ZSCAN4: variants seen among roughly 807,000 people sequenced by gnomAD.
ZSCAN4 encodes the protein zinc finger and SCAN domain-containing protein 4.
Under a neutral mutation model 18.3 loss-of-function variants are expected in ZSCAN4, and 18 were observed. That is an observed-to-expected ratio of 0.98 (90% CI 0.68 to 1.46). The LOEUF (loss-of-function observed/expected upper bound fraction) is 1.46. Ranked by LOEUF, ZSCAN4 falls within the 40% of genes most tolerant of loss-of-function variation. The pLI is 0.00. For synonymous variants in ZSCAN4, 193 were observed against 180.3 expected (o/e 1.07, Z -0.57); for missense variants, 498 against 511.4 (o/e 0.97, Z 0.25).
chr19:57,667,383 G>C (rs891426057), upstream of ZSCAN4, among the ~76,000 whole-genome samples: 23 of 152,088 alleles, frequency 1.5e-4, 1 homozygote, highest in Admixed American at 1.4e-3. Context: ...TCTGGAGCCA[G>C]GTATCAAATC....
intron 2 of ZSCAN4, among the ~76,000 whole-genome samples, chr19:57,675,142 T>A: frequency 9.6e-6 from 1 of 104,168 alleles, no homozygotes; most frequent in Non-Finnish European, 1.8e-5. Flanking sequence ...TGCGTGTGGC[T>A]TTTTTTTTTT....
chr19:57,655,249 C>T, the ZSCAN4 span, among the ~76,000 whole-genome samples: 1 of 152,184 alleles, frequency 6.6e-6, no homozygotes, highest in African/African-American at 2.4e-5. Flanking sequence ...CTGCTGTACA[C>T]CACATCACGT....
intron 1 of ZSCAN4, among the ~76,000 whole-genome samples, chr19:57,669,896 C>G (rs1344778784): frequency 1.3e-5 from 2 of 151,828 alleles, no homozygotes; most frequent in Non-Finnish European, 2.9e-5. Flanking sequence ...GAGACAGGGT[C>G]TTGCTTTGTT....
At chr19:57,678,711 T>G (rs1260252381) in exon 5 of ZSCAN4, 1 of 1,614,208 alleles carries the variant, frequency 6.2e-7, no homozygotes, top group Non-Finnish European at 8.5e-7. Context: ...GCCTTTCACA[T>G]GCAGCATGTG....
At chr19:57,657,138 C>G in the ZSCAN4 span, among the ~76,000 whole-genome samples, 1 of 151,908 alleles carries the variant, frequency 6.6e-6, no homozygotes, top group Non-Finnish European at 1.5e-5. Context: ...CACCTGTAAT[C>G]CCAGCTACTC....
chr19:57,653,285 G>T, the ZSCAN4 span, among the ~76,000 whole-genome samples: 3 of 151,784 alleles, frequency 2.0e-5, no homozygotes, highest in African/African-American at 7.3e-5. Context: ...CACTCAGGAG[G>T]CTGAGGCAGG....
At chr19:57,670,967 T>G (rs978214868) in intron 2 of ZSCAN4, among the ~76,000 whole-genome samples, 5 of 152,012 alleles carry the variant, frequency 3.3e-5, no homozygotes, top group Non-Finnish European at 4.4e-5. Context: ...GCTCAAGTGA[T>G]CCTTCCACCT....
At chr19:57,678,052 C>G in exon 4 of ZSCAN4, 3 of 1,585,740 alleles carry the variant, frequency 1.9e-6, no homozygotes, top group Non-Finnish European at 2.6e-6. Context: ...CCAGACTTCC[C>G]AAGATACTTC....
the ZSCAN4 span, among the ~76,000 whole-genome samples, chr19:57,653,590 A>G: frequency 6.6e-6 from 1 of 152,168 alleles, no homozygotes; most frequent in Admixed American, 6.5e-5. Flanking sequence ...ATCTCCAGAG[A>G]CTTAATCAAA....
chr19:57,677,317 G>A (rs1984216339), intron 3 of ZSCAN4, among the ~76,000 whole-genome samples: 1 of 152,048 alleles, frequency 6.6e-6, no homozygotes, highest in African/African-American at 2.4e-5. Context: ...TTTACCTTAG[G>A]TGCATGTTTC....
At chr19:57,652,671 C>T in the ZSCAN4 span, among the ~76,000 whole-genome samples, 2 of 152,094 alleles carry the variant, frequency 1.3e-5, no homozygotes, top group Non-Finnish European at 2.9e-5. Context: ...CAGTCCTGTG[C>T]CTAACACCCT....
chr19:57,672,030 T>C (rs9749506), intron 2 of ZSCAN4, among the ~76,000 whole-genome samples: 52,078 of 152,000 alleles, frequency 0.34, 9,273 homozygotes, highest in Non-Finnish European at 0.39. Context: ...AGCAATGATA[T>C]ATTAACAGAA....
the ZSCAN4 span, among the ~76,000 whole-genome samples, chr19:57,654,233 C>T: frequency 1.3e-5 from 2 of 152,170 alleles, no homozygotes; most frequent in African/African-American, 2.4e-5. Context: ...TGTCCCACCC[C>T]TATTTTGGGA....
chr19:57,677,097 A>G (rs1408377665), intron 3 of ZSCAN4, among the ~76,000 whole-genome samples: 2 of 152,190 alleles, frequency 1.3e-5, no homozygotes, highest in African/African-American at 4.8e-5. Flanking sequence ...TGAAGACATC[A>G]AGGTTGAGGA....
At chr19:57,663,519 C>CAAAAAAAAAAAAAAAAAAAAA in the ZSCAN4 span, among the ~76,000 whole-genome samples, 14 of 18,280 alleles carry the variant, frequency 7.7e-4, 1 homozygote, top group African/African-American at 3.0e-3. Context: ...AACCATGTCT[C>CAAAAAAAAAAAAAAAAAAAAA]TAAAAAAAAA....
intron 1 of ZSCAN4, among the ~76,000 whole-genome samples, chr19:57,669,964 G>A (rs1482376712): frequency 1.3e-5 from 2 of 152,036 alleles, no homozygotes; most frequent in Non-Finnish European, 2.9e-5. Flanking sequence ...ATGCAGTGGC[G>A]CAATCTTGGC....
At chr19:57,659,370 C>G in the ZSCAN4 span, among the ~76,000 whole-genome samples, 1 of 151,582 alleles carries the variant, frequency 6.6e-6, no homozygotes, top group Non-Finnish European at 1.5e-5. Flanking sequence ...AAAAAATGAC[C>G]TGACCCACAA....
At chr19:57,658,171 G>A in the ZSCAN4 span, among the ~76,000 whole-genome samples, 4 of 152,252 alleles carry the variant, frequency 2.6e-5, no homozygotes, top group South Asian at 4.1e-4. Context: ...AAATGTCAAG[G>A]AGGGAAAAAA....
chr19:57,678,702 C>A (rs1199438018), exon 5 of ZSCAN4: 3 of 1,614,178 alleles, frequency 1.9e-6, no homozygotes, highest in Non-Finnish European at 2.5e-6. Flanking sequence ...AGGAAAGAAG[C>A]CTTTCACATG....
Sources: gnomAD v4.1 joint callset for allele counts (sites outside exome capture counted in the v4.1 genomes callset) on GRCh38, gnomAD v4.1.1 for gene constraint, MANE v1.5 for transcripts, NCBI Gene and HGNC (gene_info 2026-07-23, HGNC 2026-07-21) for gene names.